Variants in CLSPN observed in about 807,000 individuals in gnomAD.
CLSPN encodes the protein claspin, also known as claspin homolog.
CLSPN carries 85 observed loss-of-function variants against 156.3 expected under a neutral mutation model. The ratio of observed to expected loss-of-function variants is 0.54; its 90% confidence interval spans 0.46 to 0.65. The LOEUF (loss-of-function observed/expected upper bound fraction) is 0.65. Among genes scored for constraint, CLSPN ranks in the 30% least tolerant of loss-of-function variants. CLSPN has a pLI of 0.00. For missense variants in CLSPN, 1,407 were observed against 1,554.9 expected (o/e 0.90, Z 1.60); for synonymous variants, 534 against 542.4 (o/e 0.98, Z 0.22).
At chr1:35,756,858 T>A (rs1642287514) in intron 8 of CLSPN, among the ~76,000 whole-genome samples, 1 of 152,170 alleles carries the variant, frequency 6.6e-6, no homozygotes, top group South Asian at 2.1e-4. Context: ...CAGATTTAAC[T>A]TCCTAAAGTG....
At chr1:35,725,963 T>G (rs1389478944) in intron 24 of CLSPN, among the ~76,000 whole-genome samples, 1 of 151,790 alleles carries the variant, frequency 6.6e-6, no homozygotes, top group Non-Finnish European at 1.5e-5. Flanking sequence ...CCCTCCCACT[T>G]GTAATGTTTT....
rs758627351 is a variant in CLSPN at position 35,764,580 on chromosome 1, C to T, written c.268G>A (p.Glu90Lys). ...TYDSAEEENKENLYAGKNTKI... is the reference protein window; with the variant it reads ...TYDSAEEENKKNLYAGKNTKI... ...GTATTTTTCCCAGCATATAAATTCTCTTTATTTTCCTCCTCGGCACTGTCA... is the reference window on the plus strand; with the variant it reads ...GTATTTTTCCCAGCATATAAATTCTTTTTATTTTCCTCCTCGGCACTGTCA... Residue 90 changes from glutamate (E) to lysine (K), a missense_variant, in exon 3 of 25, where the codon GAG (glutamate) becomes AAG (lysine). By Grantham distance (56) the Glu-to-Lys change is moderately conservative (BLOSUM62 1). Around this residue, in one of 3 missense-constraint regions of CLSPN, gnomAD observed 1,096 missense variants for 1,193.0 expected, o/e 0.92. Coordinates refer to ENST00000318121, the MANE Select transcript of CLSPN (RefSeq NM_022111.4). 11 of 1,613,904 alleles carry T rather than the reference C, an allele frequency of 6.8e-6. No homozygotes were observed. The highest frequency in any genetic ancestry group is 9.3e-6 in the Non-Finnish European group (11 of 1,179,954).
rs1641892882 is a variant in CLSPN, at chr1:35,746,711, C to T, written c.2854+55G>A. On this transcript the variant is annotated intron_variant, in intron 15 of 24. Coordinates refer to ENST00000318121, the MANE Select transcript of CLSPN (RefSeq NM_022111.4). The surrounding 1 kb of genome is among the most constrained non-coding windows in gnomAD (Gnocchi z 4.2). ...CCCCACCCGCCCAGGGAATTCTTTT[C>T]AAGGGCACTGATACTTGGGTGTGGT... 7.9e-7 allele frequency: 1 copy of T among 1,259,566 alleles called. No homozygotes were observed. The highest frequency in any genetic ancestry group is 1.2e-6 in the Non-Finnish European group (1 of 860,178). The allele number at this position is 1,259,566 out of a possible 1,614,324, so 78.0% of individuals were successfully genotyped here.
chr1:35,757,184 GCA>G (rs1642299713), intron 8 of CLSPN, among the ~76,000 whole-genome samples: 1 of 152,074 alleles, frequency 6.6e-6, no homozygotes, highest in Non-Finnish European at 1.5e-5. Flanking sequence ...GGTTCCCAAT[GCA>G]CCCTCAATTA....
Position 35,743,470 on chromosome 1 carries a change from C to T in CLSPN, c.3027G>A (p.Glu1009=). 6.2e-7 allele frequency: 1 copy of T among 1,613,412 alleles called. No individual in the cohort carries two copies. ...TCATACTCACCTCATCACTATCAAA[C>T]TCATTATCATTTGAAACAAGCCGAA... ...GDFRLVSNDN[E]FDSDEDEHSD... The change falls in exon 17 of 25, where the codon GAG becomes GAA. Residue 1009 remains glutamate, a synonymous_variant. Coordinates refer to ENST00000318121, the MANE Select transcript of CLSPN (RefSeq NM_022111.4).
rs1035708115 is a variant in CLSPN at position 35,732,187 on chromosome 1, G to T, written c.*4309C>A. The T allele has an allele frequency of 4.2e-5, 41 of 985,194 alleles. No homozygotes were observed. Among genetic ancestry groups the T allele is most frequent in the Non-Finnish European group, 4.6e-5 (38 of 829,908 alleles). The allele number at this position is 985,194 out of a possible 1,614,324, so 61.0% of individuals were successfully genotyped here. ...CAAGCTGTGTGCCAGGCGATGAGTAGGATATAAGGGTAGAAGATACAATAC... is the reference window on the plus strand; with the variant it reads ...CAAGCTGTGTGCCAGGCGATGAGTATGATATAAGGGTAGAAGATACAATAC... On this transcript the variant is annotated 3_prime_UTR_variant, in exon 25 of 25. Transcript: ENST00000318121.
At chr1:35,728,921 A>AACACACACACACACAC (rs58348673), downstream of CLSPN, among the ~76,000 whole-genome samples, 15 of 85,138 alleles carry the variant, frequency 1.8e-4, no homozygotes, top group East Asian at 9.3e-4. Context: ...CCTCCCCTCA[A>AACACACACACACACAC]ACACACACAC....
rs533111033 is a variant in CLSPN, at chr1:35,748,894, C to T, written c.2273-290G>A. ...CAGCTGGAGTGTAGTGGCGTGAATT[C>T]GGCTCACTGCAACCTCCGCCTCCCA... On this transcript the variant is annotated intron_variant, in intron 12 of 24. Transcript: ENST00000318121. 1.8e-3 allele frequency: 652 copies of T among 360,526 alleles called. 13 individuals carry two copies. Among genetic ancestry groups the T allele is most frequent in the South Asian group, 0.014 (623 of 46,074 alleles). 22.3% of individuals were successfully genotyped at this position (360,526 alleles called of 1,614,324 possible).
chr1:35,761,911 G>A (rs1416629191), intron 6 of CLSPN, 87 bp downstream of exon 6: 2 of 838,788 alleles, frequency 2.4e-6, no homozygotes, highest in African/African-American at 3.4e-5. Flanking sequence ...CATTAGAAGT[G>A]TTAAAAAAAT....
chr1:35,768,533 G>A (rs914035499), intron 1 of CLSPN, among the ~76,000 whole-genome samples: 6 of 151,594 alleles, frequency 4.0e-5, no homozygotes, highest in Non-Finnish European at 7.4e-5. Flanking sequence ...TCAGCCACCC[G>A]AGTAGCTGGG....
At chr1:35,757,521 A>C (rs1642312965) in intron 8 of CLSPN, among the ~76,000 whole-genome samples, 1 of 152,208 alleles carries the variant, frequency 6.6e-6, no homozygotes, top group Admixed American at 6.5e-5. Context: ...ATGCTGGAAA[A>C]ATTACCTAAC....
Position 35,736,218 on chromosome 1 carries a change from T to TAAAAA in CLSPN, c.*273_*277dup. 2.2e-6 allele frequency: 2 copies of TAAAAA among 895,638 alleles called. No homozygotes were observed. Among genetic ancestry groups the TAAAAA allele is most frequent in the Non-Finnish European group, 2.6e-6 (2 of 756,254 alleles). The allele number at this position is 895,638 out of a possible 1,614,324, so 55.5% of individuals were successfully genotyped here. On this transcript the variant is annotated 3_prime_UTR_variant, in exon 25 of 25. Coordinates refer to ENST00000318121, the MANE Select transcript of CLSPN (RefSeq NM_022111.4). ...GGGCAACAGAGTGAGACTCCCATCT[T>TAAAAA]AAAAAAAAAAAAAAAAAGGAAACCT...
Position 35,769,759 on chromosome 1 carries a change from T to C in CLSPN, c.24+88A>G, listed in dbSNP as rs899646900. The C allele has an allele frequency of 2.3e-6, 3 of 1,315,222 alleles. No homozygotes were observed. In the African/African-American group the frequency reaches 4.6e-5, roughly 20 times the overall value. 81.5% of individuals were successfully genotyped at this position (1,315,222 alleles called of 1,614,324 possible). On this transcript the variant is annotated intron_variant, in intron 1 of 24. Transcript: ENST00000318121. ...GCCGCAGTCCTCCCGCCCGGGCGCC[T>C]CGGGTCAGCGGGGTCTACCCCGGCC...
rs138731915 is a variant in CLSPN, at chr1:35,765,247, T to C, written c.104A>G (p.Tyr35Cys). The C allele has an allele frequency of 7.4e-6, 12 of 1,613,728 alleles. No individual in the cohort carries two copies. Among genetic ancestry groups the C allele is most frequent in the Non-Finnish European group, 1.0e-5 (12 of 1,179,724 alleles). Residue 35 changes from tyrosine to cysteine, a missense_variant, in exon 2 of 25, where the codon TAT (tyrosine) becomes TGT (cysteine). Physicochemically the swap from Tyr to Cys is radical, Grantham distance 194 (BLOSUM62 -2). This residue lies in a region of CLSPN where 1,096 missense variants were observed against 1,193.0 expected (regional missense o/e 0.92). Transcript: ENST00000318121. Reference sequence around the variant, plus strand: ...TTCACTCAAGGGTCCAATTGTTTCATAGCTGCCCTGTCCACTATCTGAAGG... The same window carrying C: ...TTCACTCAAGGGTCCAATTGTTTCACAGCTGCCCTGTCCACTATCTGAAGG... ...DSPSDSGQGSYETIGPLSEGD... is the reference protein window; with the variant it reads ...DSPSDSGQGSCETIGPLSEGD...
chr1:35,721,281 AC>A (rs1641067392), intron 24 of CLSPN, among the ~76,000 whole-genome samples: 1 of 151,828 alleles, frequency 6.6e-6, no homozygotes, highest in African/African-American at 2.4e-5. Flanking sequence ...CACTGAGACC[AC>A]CCCCTTCTCC....
At chr1:35,765,132 A>G in intron 2 of CLSPN, 86 bp downstream of exon 2, 1 of 799,644 alleles carries the variant, frequency 1.3e-6, no homozygotes. Context: ...AATGTAATAA[A>G]TCAAGAGAAT....
chr1:35,764,768 C>A (rs984717815), intron 2 of CLSPN, 54 bp from the exon 3 acceptor site: 22 of 1,104,972 alleles, frequency 2.0e-5, no homozygotes, highest in Non-Finnish European at 2.8e-5. Flanking sequence ...TCCTCCTAGT[C>A]CCACTACTCC....
intron 8 of CLSPN, among the ~76,000 whole-genome samples, chr1:35,756,543 T>C (rs780593780): frequency 6.6e-5 from 10 of 152,128 alleles, no homozygotes; most frequent in Non-Finnish European, 1.5e-4. Flanking sequence ...GTCCATCACC[T>C]CTCATCCTCC....
chr1:35,722,094 G>A (rs570211840), intron 24 of CLSPN, among the ~76,000 whole-genome samples: 5 of 151,366 alleles, frequency 3.3e-5, no homozygotes, highest in East Asian at 4.0e-4. Flanking sequence ...AGCCAAGATC[G>A]TGCCACTGCA....
Sources: allele counts gnomAD v4.1 joint callset (sites outside exome capture counted in the v4.1 genomes callset), GRCh38; gene constraint gnomAD v4.1.1; regional missense constraint gnomAD v4.1.1; non-coding constraint Gnocchi (gnomAD v3.1); transcripts MANE v1.5; gene names NCBI Gene and HGNC (gene_info 2026-07-23, HGNC 2026-07-21).